Variants in PARP8 observed in about 807,000 individuals in gnomAD.
PARP8 encodes the protein poly(ADP-ribose) polymerase family member 8.
In PARP8, 51 loss-of-function variants were observed where a neutral mutation model predicts 124.1. The observed-to-expected ratio is 0.41, with a 90% CI of 0.33 to 0.52. The LOEUF (loss-of-function observed/expected upper bound fraction) is 0.52. Ranked by LOEUF, PARP8 falls within the 20% of genes least tolerant of loss-of-function variation. The pLI, the probability that PARP8 is intolerant of heterozygous loss-of-function variation, is 0.21. For missense variants in PARP8, 860 were observed against 1,018.9 expected, an observed-to-expected ratio of 0.84 and a Z score of 2.12; for synonymous variants, 391 against 361.5, an observed-to-expected ratio of 1.08 and a Z score of -0.93.
intron 2 of PARP8, among the ~76,000 whole-genome samples, chr5:50,702,841 AT>A (rs1460493211): frequency 6.6e-6 from 1 of 152,178 alleles, no homozygotes; most frequent in East Asian, 1.9e-4. Flanking sequence ...TGAGGAAAAT[AT>A]CTGTCTTTAA....
chr5:50,709,805 CAAAG>C (rs1754536516), intron 2 of PARP8, among the ~76,000 whole-genome samples: 8 of 149,446 alleles, frequency 5.4e-5, no homozygotes, highest in East Asian at 2.0e-4. Context: ...GATAAATAGA[CAAAG>C]AGTCAGAGAT....
At chr5:50,728,285 A>G (rs1756630944) in intron 2 of PARP8, among the ~76,000 whole-genome samples, 1 of 152,192 alleles carries the variant, frequency 6.6e-6, no homozygotes, top group African/African-American at 2.4e-5. Context: ...AGAGTTGGGT[A>G]TAAGTGATGA....
At chr5:50,739,376 T>A (rs1367496744) in intron 2 of PARP8, among the ~76,000 whole-genome samples, 2 of 151,944 alleles carry the variant, frequency 1.3e-5, no homozygotes, top group Non-Finnish European at 2.9e-5. Flanking sequence ...TACTCATTCG[T>A]TAATTTTTTT....
intron 2 of PARP8, among the ~76,000 whole-genome samples, chr5:50,729,082 C>T (rs1421830755): frequency 6.6e-6 from 1 of 152,040 alleles, no homozygotes; most frequent in Non-Finnish European, 1.5e-5. Context: ...CAAAATTGCT[C>T]CTCTTCTAAA....
At chr5:50,840,134 C>T (rs530215706) in intron 25 of PARP8, among the ~76,000 whole-genome samples, 2 of 151,438 alleles carry the variant, frequency 1.3e-5, no homozygotes, top group Non-Finnish European at 3.0e-5. Flanking sequence ...ATGTGTTTGA[C>T]ATTGTGACTT....
rs1389056985 is a variant in PARP8 at position 50,671,688 on chromosome 5, AT to A, written c.146+3570del. ...TATTAATACTCTTTTGAGACCTCAC[AT>A]TTTTTTCACCCAAGAATATAACATT... On this transcript the variant is annotated intron_variant, in intron 2 of 25. Transcript: ENST00000281631. Among the ~76,000 whole-genome samples the A allele has an allele frequency of 3.3e-5, 5 of 152,014 alleles. No individual in the cohort carries two copies. The East Asian group carries it at 7.7e-4, about 23-fold the overall frequency.
intron 2 of PARP8, among the ~76,000 whole-genome samples, chr5:50,678,932 G>GA (rs113472574): frequency 0.02 from 3,047 of 152,040 alleles, 51 homozygotes; most frequent in Middle Eastern, 0.031. Flanking sequence ...GACTAAGGGG[G>GA]AAAAAAATGC....
intron 2 of PARP8, among the ~76,000 whole-genome samples, chr5:50,749,943 C>T (rs1275227621): frequency 6.6e-6 from 1 of 152,068 alleles, no homozygotes; most frequent in Non-Finnish European, 1.5e-5. Context: ...GACTAAGACC[C>T]ATTTAGACTA....
intron 2 of PARP8, among the ~76,000 whole-genome samples, chr5:50,721,642 C>T (rs1400117567): frequency 6.6e-6 from 1 of 152,050 alleles, no homozygotes; most frequent in South Asian, 2.1e-4. Flanking sequence ...CAACAGCCTC[C>T]ACTATCAGAA....
intron 2 of PARP8, among the ~76,000 whole-genome samples, chr5:50,699,622 C>T (rs1271582957): frequency 1.3e-5 from 2 of 152,120 alleles, no homozygotes; most frequent in African/African-American, 4.8e-5. Flanking sequence ...AAATTATTTA[C>T]AGCCATCTAT....
chr5:50,810,749 C>T (rs1298327575), intron 14 of PARP8, among the ~76,000 whole-genome samples: 3 of 152,010 alleles, frequency 2.0e-5, no homozygotes. Flanking sequence ...AATATACAAA[C>T]ACCTCAAAAC....
chr5:50,838,496 C>CA (rs1306107624), intron 25 of PARP8, among the ~76,000 whole-genome samples: 1 of 151,642 alleles, frequency 6.6e-6, no homozygotes. Flanking sequence ...GAAGATAAGC[C>CA]AAAAAAAGGA....
intron 2 of PARP8, among the ~76,000 whole-genome samples, chr5:50,720,339 A>G (rs1341130384): frequency 9.2e-5 from 14 of 152,066 alleles, no homozygotes; most frequent in Non-Finnish European, 8.8e-5. Flanking sequence ...ATAATAATAA[A>G]AAGCTGGTGA....
intron 2 of PARP8, among the ~76,000 whole-genome samples, chr5:50,743,824 G>A (rs1375771998): frequency 3.9e-5 from 6 of 152,048 alleles, no homozygotes; most frequent in Admixed American, 1.3e-4. Flanking sequence ...AAGCATCTTC[G>A]CTAGGGTAGA....
Position 50,812,163 on chromosome 5 carries a change from G to A in PARP8, c.1576-3269G>A, listed in dbSNP as rs571444605. The stretch of plus-strand genomic sequence containing the variant: ...GTTCCATCCAGATCCTTGAGGAATC[G>A]CCACACTGTCTTCCACAGTGGTTAA... On this transcript the variant is annotated intron_variant, in intron 14 of 25. Coordinates refer to ENST00000281631, the MANE Select transcript of PARP8 (RefSeq NM_024615.4). 1.3e-4 allele frequency among the ~76,000 whole-genome samples: 20 copies of A among 152,202 alleles called. No homozygotes were observed. In the East Asian group the frequency reaches 3.1e-3, roughly 24 times the overall value.
intron 3 of PARP8, chr5:50,757,242 C>T (rs761418415): frequency 8.9e-6 from 4 of 450,378 alleles, no homozygotes; most frequent in South Asian, 4.7e-5. Flanking sequence ...AGATAAATTC[C>T]TAGAGACCTA....
At chr5:50,744,878 C>T (rs1307384566) in intron 2 of PARP8, 1 of 667,434 alleles carries the variant, frequency 1.5e-6, no homozygotes, top group Admixed American at 2.4e-5. Context: ...ATATTTTCTG[C>T]CTGCTACATG....
At chr5:50,815,405 T>G in intron 14 of PARP8, 27 bp from the exon 15 acceptor site, 1 of 1,515,884 alleles carries the variant, frequency 6.6e-7, no homozygotes, top group Non-Finnish European at 8.8e-7. Flanking sequence ...AAAAAAGTTT[T>G]GTGATTGATT....
Position 50,759,654 on chromosome 5 carries a change from G to C in PARP8, c.196G>C (p.Val66Leu), listed in dbSNP as rs200585713. Reference sequence around the variant, plus strand: ...TTTTTTTTTTGCAGATAATACATATGTGTCAAGTTCAGAGAATGATGAAGA... The same window carrying C: ...TTTTTTTTTTGCAGATAATACATATCTGTCAAGTTCAGAGAATGATGAAGA... ...VSEDYPDNTYVSSSENDEDVL... is the reference protein window; with the variant it reads ...VSEDYPDNTYLSSSENDEDVL... Residue 66 changes from valine (V) to leucine (L), a missense_variant, in exon 4 of 26, where the codon GTG (valine) becomes CTG (leucine). Around this residue, in one of 2 missense-constraint regions of PARP8, gnomAD observed 517 missense variants for 544.2 expected, o/e 0.95. Coordinates refer to ENST00000281631, the MANE Select transcript of PARP8 (RefSeq NM_024615.4). The C allele has an allele frequency of 1.5e-6, 2 of 1,372,306 alleles. No homozygotes were observed. Among genetic ancestry groups the C allele is most frequent in the African/African-American group, 3.3e-5 (2 of 61,286 alleles). 85.0% of individuals were successfully genotyped at this position (1,372,306 alleles called of 1,614,324 possible).
Sources: allele counts gnomAD v4.1 joint callset (sites outside exome capture counted in the v4.1 genomes callset), GRCh38; gene constraint gnomAD v4.1.1; regional missense constraint gnomAD v4.1.1; transcripts MANE v1.5; gene names NCBI Gene and HGNC (gene_info 2026-07-23, HGNC 2026-07-21).